Variants in KLHL6 observed in about 807,000 individuals in gnomAD.
KLHL6 encodes the protein kelch-like protein 6.
In KLHL6, 41 loss-of-function variants were observed where a neutral mutation model predicts 58.6. The ratio of observed to expected loss-of-function variants is 0.70; its 90% CI spans 0.55 to 0.91. The LOEUF is 0.91. Ranked by LOEUF, KLHL6 falls within the 40% of genes least tolerant of loss-of-function variation. The pLI, the probability that KLHL6 is intolerant of heterozygous loss-of-function variation, is 0.00. For synonymous variants in KLHL6, 338 were observed against 322.7 expected (o/e 1.05, Z -0.51); for missense variants, 714 against 805.6 (o/e 0.89, Z 1.38).
At chr3:183,538,681 G>A (rs1712443271) in intron 1 of KLHL6, among the ~76,000 whole-genome samples, 1 of 152,118 alleles carries the variant, frequency 6.6e-6, no homozygotes, top group African/African-American at 2.4e-5. Flanking sequence ...AAGAAAGCAG[G>A]GAGTCAGCAG....
chr3:183,527,223 C>A (rs1712003192), intron 2 of KLHL6, among the ~76,000 whole-genome samples: 1 of 151,716 alleles, frequency 6.6e-6, no homozygotes, highest in African/African-American at 2.4e-5. Context: ...AAATGCACAC[C>A]AAAGACAAAA....
intron 1 of KLHL6, among the ~76,000 whole-genome samples, 199 bp from the exon 2 acceptor site, chr3:183,528,209 C>T (rs1282417114): frequency 2.6e-5 from 4 of 152,134 alleles, no homozygotes; most frequent in Non-Finnish European, 4.4e-5. Flanking sequence ...ACTGAACTGC[C>T]CTGCTCCTCC....
chr3:183,528,205 C>G (rs1211291020), intron 1 of KLHL6, among the ~76,000 whole-genome samples, 195 bp from the exon 2 acceptor site: 1 of 152,182 alleles, frequency 6.6e-6, no homozygotes, highest in Non-Finnish European at 1.5e-5. Context: ...CTGAACTGAA[C>G]TGCCCTGCTC....
intron 1 of KLHL6, among the ~76,000 whole-genome samples, chr3:183,550,936 T>A (rs145099999): frequency 6.6e-6 from 1 of 151,806 alleles, no homozygotes; most frequent in Non-Finnish European, 1.5e-5. Context: ...CTGGCTAACA[T>A]GGTGAAATCC....
intron 1 of KLHL6, among the ~76,000 whole-genome samples, chr3:183,533,772 C>T (rs1019334912): frequency 2.6e-5 from 4 of 151,998 alleles, no homozygotes; most frequent in Admixed American, 6.6e-5. Context: ...CTCTGTCCTT[C>T]CGCCTCCGTC....
At chr3:183,531,013 G>A (rs571596139) in intron 1 of KLHL6, among the ~76,000 whole-genome samples, 16 of 152,054 alleles carry the variant, frequency 1.1e-4, no homozygotes, top group African/African-American at 2.9e-4. Context: ...TGTATTTTTA[G>A]TAGAGATGGG....
At chr3:183,519,002 G>A (rs1360818432) in intron 2 of KLHL6, among the ~76,000 whole-genome samples, 1 of 152,178 alleles carries the variant, frequency 6.6e-6, no homozygotes, top group Non-Finnish European at 1.5e-5. Flanking sequence ...GTCCCTTATA[G>A]GTTGTGAATC....
intron 1 of KLHL6, among the ~76,000 whole-genome samples, chr3:183,552,740 A>C: frequency 6.6e-6 from 1 of 151,210 alleles, no homozygotes; most frequent in East Asian, 2.0e-4. Flanking sequence ...AAAAAAAAAA[A>C]AAGAAAGCCT....
chr3:183,500,406 G>A (rs1359181109), intron 3 of KLHL6, among the ~76,000 whole-genome samples: 4 of 152,338 alleles, frequency 2.6e-5, no homozygotes, highest in Non-Finnish European at 5.9e-5. Context: ...ACCTTTCAGA[G>A]CTTTGAACAA....
chr3:183,509,444 A>G (rs1456640517), intron 2 of KLHL6, among the ~76,000 whole-genome samples: 1 of 152,238 alleles, frequency 6.6e-6, no homozygotes, highest in Non-Finnish European at 1.5e-5. Context: ...AGTCATAGAA[A>G]GAAGATGAAA....
At position 183,528,018 on chromosome 3, in the gene KLHL6, A is replaced by G. The variant is rs1235249850; in HGVS notation, c.294-8T>C. 4 of 1,613,990 alleles carry G rather than the reference A, an allele frequency of 2.5e-6. No individual in the cohort carries two copies. The highest frequency in any genetic ancestry group is 2.2e-5 in the South Asian group (2 of 91,070). ...TCGTTGCAGAACATGGCCCTGGAAG[A>G]GAAATGTGTGAATGTGAATCGTGCC... is the stretch of plus-strand genomic sequence containing the variant. On this transcript the variant is annotated splice_polypyrimidine_tract_variant and splice_region_variant and intron_variant, in intron 1 of 6. Transcript: ENST00000341319.
rs144049008 is a variant in KLHL6 at position 183,491,945 on chromosome 3, G to A, written c.1848C>T (p.Pro616=). ...KSYTHIRRIV[P]GAVSV is the part of the protein sequence containing the mutation. The stretch of plus-strand genomic sequence containing the variant: ...CCTGCCGTCAGACAGACACTGCTCC[G>A]GGCACGATCCTGCGGATGTGGGTGT... The change falls in exon 7 of 7, where the codon CCC becomes CCT. Residue 616 remains proline (P), a synonymous_variant. Coordinates refer to ENST00000341319, the MANE Select transcript of KLHL6 (RefSeq NM_130446.4). 1.3e-6 allele frequency: 2 copies of A among 1,516,764 alleles called. No homozygotes were observed. The highest frequency in any genetic ancestry group is 1.8e-6 in the Non-Finnish European group (2 of 1,129,880). 94.0% of individuals were successfully genotyped at this position (1,516,764 alleles called of 1,614,324 possible).
chr3:183,540,557 TTTTG>T (rs1241378458), intron 1 of KLHL6, among the ~76,000 whole-genome samples: 1 of 152,064 alleles, frequency 6.6e-6, no homozygotes, highest in South Asian at 2.1e-4. Context: ...CCAGGCCCGT[TTTTG>T]TTTGTTTGTT....
At chr3:183,524,044 A>G (rs1480566475) in intron 2 of KLHL6, among the ~76,000 whole-genome samples, 1 of 152,208 alleles carries the variant, frequency 6.6e-6, no homozygotes, top group Non-Finnish European at 1.5e-5. Context: ...TACAGGTGTG[A>G]GCCACTGTGC....
chr3:183,527,469 C>A (rs958317349), intron 2 of KLHL6, among the ~76,000 whole-genome samples: 41 of 152,098 alleles, frequency 2.7e-4, no homozygotes, highest in Admixed American at 2.0e-4. Flanking sequence ...CTCGATGAAA[C>A]CAGGAGACAT....
chr3:183,494,552 T>A (rs1344210200), intron 4 of KLHL6, among the ~76,000 whole-genome samples: 1 of 152,130 alleles, frequency 6.6e-6, no homozygotes, highest in Non-Finnish European at 1.5e-5. Flanking sequence ...AAGTGAGCAG[T>A]GCCCTGAGAA....
At chr3:183,545,101 A>T (rs1712676898) in intron 1 of KLHL6, among the ~76,000 whole-genome samples, 1 of 152,190 alleles carries the variant, frequency 6.6e-6, no homozygotes, top group African/African-American at 2.4e-5. Context: ...CGCAGGCTGC[A>T]CGAAAGGGCC....
intron 2 of KLHL6, among the ~76,000 whole-genome samples, chr3:183,523,842 C>T (rs1197107470): frequency 1.3e-5 from 2 of 152,152 alleles, no homozygotes; most frequent in African/African-American, 2.4e-5. Flanking sequence ...TCACTGCAAC[C>T]TCCCCCTTCC....
chr3:183,541,021 G>C (rs1186723273), intron 1 of KLHL6, among the ~76,000 whole-genome samples: 1 of 152,196 alleles, frequency 6.6e-6, no homozygotes, highest in East Asian at 1.9e-4. Flanking sequence ...GGACTCTGTG[G>C]CTTCCCTGTG....
Sources: gnomAD v4.1 joint callset for allele counts (sites outside exome capture counted in the v4.1 genomes callset) on GRCh38, gnomAD v4.1.1 for gene constraint, MANE v1.5 for transcripts, NCBI Gene and HGNC (gene_info 2026-07-23, HGNC 2026-07-21) for gene names.